Variants in PCDHGA6 observed in about 807,000 individuals in gnomAD.
PCDHGA6 encodes protocadherin gamma subfamily A, 6, also known as protocadherin gamma-A6.
PCDHGA6 carries 41 observed loss-of-function variants against 60.6 expected under a neutral mutation model. The ratio of observed to expected loss-of-function variants is 0.68; its 90% CI spans 0.53 to 0.88. PCDHGA6 has a LOEUF of 0.88. Among genes scored for constraint, PCDHGA6 ranks in the 40% least tolerant of loss-of-function variants. PCDHGA6 has a pLI of 0.00. For synonymous variants in PCDHGA6, 594 were observed against 524.4 expected (o/e 1.13, Z -1.81); for missense variants, 1,312 against 1,203.0 (o/e 1.09, Z -1.34).
chr5:141,458,578 TG>T, intron 1 of PCDHGA6, among the ~76,000 whole-genome samples: 1 of 152,138 alleles, frequency 6.6e-6, no homozygotes. Context: ...TTTGTTTGTT[TG>T]TTTGTTTTGG....
At chr5:141,480,584 G>A (rs1421730652) in intron 1 of PCDHGA6, among the ~76,000 whole-genome samples, 1 of 134,606 alleles carries the variant, frequency 7.4e-6, no homozygotes, top group Non-Finnish European at 1.6e-5. Context: ...AATAACTGCC[G>A]CTCTTCTGGT....
At chr5:141,421,044 C>T (rs556562994) in intron 1 of PCDHGA6, 3 of 548,494 alleles carry the variant, frequency 5.5e-6, no homozygotes, top group African/African-American at 1.9e-5. Context: ...CTCCCTCCCC[C>T]GCCTCTACCA....
chr5:141,465,240 G>C (rs569146939), intron 1 of PCDHGA6, among the ~76,000 whole-genome samples: 22 of 152,168 alleles, frequency 1.4e-4, no homozygotes, highest in African/African-American at 5.3e-4. Flanking sequence ...TCAAGTTCAA[G>C]GCACTTTTGT....
chr5:141,493,983 A>G lies in PCDHGA6; in HGVS notation c.2425-824A>G, dbSNP rs2099751203. Among the ~76,000 whole-genome samples the G allele has an allele frequency of 6.6e-6, 1 of 152,194 alleles. No homozygotes were observed. The highest frequency in any genetic ancestry group is 6.5e-5 in the Admixed American group (1 of 15,278). ...TGGCTGGCCAGAGCCCCACACCTTC[A>G]GCTAGGTGGGAGATGGCTACACATC... On this transcript the variant is annotated intron_variant, in intron 1 of 3. Coordinates refer to ENST00000517434, the MANE Select transcript of PCDHGA6 (RefSeq NM_018919.3). The surrounding 1 kb of genome is among the most constrained non-coding windows in gnomAD (Gnocchi z 4.3).
chr5:141,413,230 C>T (rs2095618383), intron 1 of PCDHGA6: 4 of 1,613,826 alleles, frequency 2.5e-6, no homozygotes, highest in Non-Finnish European at 3.4e-6. Flanking sequence ...CGGGCTGGTC[C>T]TGCTCTGCCT....
chr5:141,429,204 A>ACACACACG, intron 1 of PCDHGA6: 1 of 150,162 alleles, frequency 6.7e-6, no homozygotes, highest in Non-Finnish European at 1.5e-5. Context: ...ACACACACAC[A>ACACACACG]CGTGTGAAAA....
chr5:141,408,077 G>A, intron 1 of PCDHGA6: 2 of 1,408,130 alleles, frequency 1.4e-6, no homozygotes, highest in South Asian at 3.0e-5. Context: ...ACCTTTCCCA[G>A]CACAGCGGAT....
intron 1 of PCDHGA6, chr5:141,410,578 T>A (rs1432039651): frequency 6.2e-7 from 1 of 1,610,984 alleles, no homozygotes; most frequent in African/African-American, 1.3e-5. Context: ...TTCCACCTCA[T>A]GGTGGGGAGG....
Position 141,511,390 on chromosome 5 carries a change from C to T in PCDHGA6, c.*217C>T, listed in dbSNP as rs2099883760. 1.8e-6 allele frequency: 2 copies of T among 1,101,460 alleles called. No individual in the cohort carries two copies. Among genetic ancestry groups the T allele is most frequent in the Admixed American group, 2.9e-5 (1 of 34,440 alleles). The allele number at this position is 1,101,460 out of a possible 1,614,324, so 68.2% of individuals were successfully genotyped here. A position where few individuals can be genotyped will look rare whatever the true frequency, so the allele number is the denominator to read the frequency against. On this transcript the variant is annotated 3_prime_UTR_variant, in exon 4 of 4. Transcript: ENST00000517434. ...ATGCAAAAGCAGTTCCGCTGGGAAC[C>T]CCCATCCAATCAACTGCTGTACCCA... is the stretch of plus-strand genomic sequence containing the variant.
At chr5:141,392,871 C>T (rs2092620267) in intron 1 of PCDHGA6, 2 of 1,613,280 alleles carry the variant, frequency 1.2e-6, no homozygotes, top group Admixed American at 1.7e-5. Flanking sequence ...GTGCGCGCTG[C>T]TGGGAACGCT....
rs982627903 is a variant in PCDHGA6, at chr5:141,421,421, T to C, written c.2424+44914T>C. ...CCCCGGGAGCTGGCGAAGCGCGGAGTCCGCATCGTCTCCAGAGGGAAGACA... is the reference window on the plus strand; with the variant it reads ...CCCCGGGAGCTGGCGAAGCGCGGAGCCCGCATCGTCTCCAGAGGGAAGACA... On this transcript the variant is annotated intron_variant, in intron 1 of 3. Coordinates refer to ENST00000517434, the MANE Select transcript of PCDHGA6 (RefSeq NM_018919.3). The C allele has an allele frequency of 6.2e-7, 1 of 1,613,994 alleles. No individual in the cohort carries two copies. The highest frequency in any genetic ancestry group is 1.3e-5 in the African/African-American group (1 of 75,052).
At chr5:141,387,000 C>T (rs1211654185) in intron 1 of PCDHGA6, among the ~76,000 whole-genome samples, 7 of 152,118 alleles carry the variant, frequency 4.6e-5, no homozygotes, top group African/African-American at 1.7e-4. Flanking sequence ...TATTATCCCC[C>T]TGATAACTTT....
intron 1 of PCDHGA6, chr5:141,405,415 G>GT (rs757320616): frequency 1.9e-6 from 3 of 1,559,568 alleles, no homozygotes; most frequent in South Asian, 2.3e-5. Context: ...TTCTTTTTTT[G>GT]TTTTTTGTTT....
chr5:141,399,002 C>A (rs1415503184), intron 1 of PCDHGA6: 2 of 1,613,830 alleles, frequency 1.2e-6, no homozygotes, highest in South Asian at 2.2e-5. Flanking sequence ...AGTCTGAATT[C>A]AAAGAGCGGA....
At chr5:141,504,429 G>T (rs947508365) in intron 2 of PCDHGA6, among the ~76,000 whole-genome samples, 1 of 152,124 alleles carries the variant, frequency 6.6e-6, no homozygotes, top group Non-Finnish European at 1.5e-5. Context: ...CACTACAACA[G>T]CTGCAGTGTG....
chr5:141,415,783 A>G, intron 1 of PCDHGA6: 1 of 1,344,604 alleles, frequency 7.4e-7, no homozygotes, highest in Non-Finnish European at 9.5e-7. Context: ...ACTTTCTGGT[A>G]AAATTCACCT....
chr5:141,470,565 A>T (rs2099233471), intron 1 of PCDHGA6, among the ~76,000 whole-genome samples: 1 of 152,172 alleles, frequency 6.6e-6, no homozygotes, highest in African/African-American at 2.4e-5. Context: ...CCTCTGTGCC[A>T]AGCAGGATCA....
chr5:141,492,164 C>T (rs1180358388), intron 1 of PCDHGA6, among the ~76,000 whole-genome samples: 2 of 152,230 alleles, frequency 1.3e-5, no homozygotes, highest in East Asian at 1.9e-4. Context: ...CTCCCTATCC[C>T]CGCATCACCC....
intron 1 of PCDHGA6, among the ~76,000 whole-genome samples, chr5:141,473,413 G>A (rs1282997381): frequency 6.6e-6 from 1 of 152,156 alleles, no homozygotes; most frequent in Non-Finnish European, 1.5e-5. Context: ...CTTCTTCAGT[G>A]GGGGAAGCAG....
Sources: gnomAD v4.1 joint callset for allele counts (sites outside exome capture counted in the v4.1 genomes callset) on GRCh38, gnomAD v4.1.1 for gene constraint, Gnocchi (gnomAD v3.1) non-coding constraint, MANE v1.5 for transcripts, NCBI Gene and HGNC (gene_info 2026-07-23, HGNC 2026-07-21) for gene names.